The following NLRP14 variants were observed in gnomAD, a reference collection of about 807,000 sequenced individuals.
The protein encoded by NLRP14 is NLR family pyrin domain containing 14, also known as NACHT, LRR and PYD domains-containing protein 14.
A neutral mutation model predicts 94.7 loss-of-function variants in NLRP14; 105 were observed. The observed-to-expected ratio is 1.11, with a 90% CI of 0.95 to 1.30. The LOEUF (loss-of-function observed/expected upper bound fraction) is 1.30. NLRP14 is among the 50% of genes most tolerant of loss of function. The pLI is 0.00. For missense variants in NLRP14, 1,362 were observed against 1,254.1 expected (o/e 1.09, Z -1.30); for synonymous variants, 508 against 459.9 (o/e 1.10, Z -1.34).
intron 5 of NLRP14, among the ~76,000 whole-genome samples, chr11:7,048,102 A>G (rs1565019267): frequency 6.6e-6 from 1 of 152,138 alleles, no homozygotes; most frequent in Admixed American, 6.5e-5. Context: ...TCTAAAATTT[A>G]TCCATTTTGT....
At chr11:7,074,171 A>T (rs183388976), downstream of NLRP14, among the ~76,000 whole-genome samples, 1 of 152,324 alleles carries the variant, frequency 6.6e-6, no homozygotes, top group African/African-American at 2.4e-5. Flanking sequence ...ATATCCCCTG[A>T]GTCAATGTGG....
intron 6 of NLRP14, among the ~76,000 whole-genome samples, chr11:7,050,867 A>G (rs1852432643): frequency 6.6e-6 from 1 of 152,232 alleles, no homozygotes; most frequent in African/African-American, 2.4e-5. Context: ...TCTGTAACCT[A>G]CATATCTAGT....
At chr11:7,088,655 T>C in the NLRP14 span, among the ~76,000 whole-genome samples, 3 of 149,910 alleles carry the variant, frequency 2.0e-5, no homozygotes, top group Admixed American at 2.0e-4. Flanking sequence ...TATTTTTCAA[T>C]AATTGAAAAA....
chr11:7,050,669 A>G (rs1852428708), intron 6 of NLRP14, among the ~76,000 whole-genome samples: 1 of 152,178 alleles, frequency 6.6e-6, no homozygotes, highest in African/African-American at 2.4e-5. Flanking sequence ...AAATAAATGA[A>G]GTCTGGAATA....
In NLRP14 at chr11:7,062,484, T is replaced by G; in HGVS notation, c.2956T>G (p.Cys986Gly). The G allele has an allele frequency of 1.2e-6, 2 of 1,613,058 alleles. No homozygotes were observed. The highest frequency in any genetic ancestry group is 1.7e-6 in the Non-Finnish European group (2 of 1,179,276). Residue 986 changes from cysteine to glycine, a missense_variant, in exon 10 of 12, where the codon TGT becomes GGT. Physicochemically the swap from Cys to Gly is radical, Grantham distance 159. Coordinates refer to ENST00000299481, the MANE Select transcript of NLRP14 (RefSeq NM_176822.4). ...GTGTGATGCTTTGAGATATCCAAACTGTAACATTCAGAGGCTCGGGTGAGT... is the reference window on the plus strand; with the variant it reads ...GTGTGATGCTTTGAGATATCCAAACGGTAACATTCAGAGGCTCGGGTGAGT... ...ILCDALRYPN[C>G]NIQRLGLEYC...
chr11:7,070,525 T>A (rs1852778390), intron 11 of NLRP14, 69 bp downstream of exon 11: 3 of 1,092,144 alleles, frequency 2.7e-6, no homozygotes, highest in South Asian at 2.6e-5. Context: ...CACTCATTAA[T>A]ACAGGCCTCA....
At position 7,058,419 on chromosome 11, in the gene NLRP14, C is replaced by A. The variant is rs748848609; in HGVS notation, c.2602C>A (p.Gln868Lys). 7 of 1,612,374 alleles carry A rather than the reference C, an allele frequency of 4.3e-6. No individual in the cohort carries two copies. The highest frequency in any genetic ancestry group is 5.1e-6 in the Non-Finnish European group (6 of 1,178,638). Residue 868 changes from glutamine (Q) to lysine (K), a missense_variant, in exon 8 of 12, where the codon CAA becomes AAA. By Grantham distance (53) the Gln-to-Lys change is moderately conservative. Transcript: ENST00000299481. ...GGVKLMSDAL[Q>K]HAQCTLKSLV... ...AGTAAAGCTTATGAGTGATGCCCTGCAACATGCACAATGTACTCTGAAGAG... is the reference window on the plus strand; with the variant it reads ...AGTAAAGCTTATGAGTGATGCCCTGAAACATGCACAATGTACTCTGAAGAG...
intron 4 of NLRP14, among the ~76,000 whole-genome samples, chr11:7,044,732 G>A (rs1440545464): frequency 6.6e-6 from 1 of 151,984 alleles, no homozygotes; most frequent in African/African-American, 2.4e-5. Context: ...AATTAATTGA[G>A]GACTTCCTAT....
Position 7,043,915 on chromosome 11 carries a change from C to T in NLRP14, c.1889C>T (p.Thr630Ile), listed in dbSNP as rs1158001398. The change falls in exon 4 of 12, where the codon ACC (threonine) becomes ATC (isoleucine). Residue 630 changes from threonine to isoleucine, a missense_variant. Physicochemically the swap from Thr to Ile is moderately conservative, Grantham distance 89. Coordinates refer to ENST00000299481, the MANE Select transcript of NLRP14 (RefSeq NM_176822.4). ...FCLKHCRCLRTIRLSVTVVFE... is the reference protein window; with the variant it reads ...FCLKHCRCLRIIRLSVTVVFE... ...CTTAAGCACTGCCGGTGTTTGCGGA[C>T]CATCAGGCTGTCTGTAACTGTGGTA... 1.2e-6 allele frequency: 2 copies of T among 1,614,100 alleles called. No homozygotes were observed. Among genetic ancestry groups the T allele is most frequent in the Non-Finnish European group, 1.7e-6 (2 of 1,179,964 alleles).
At chr11:7,030,775 G>C (rs1353644115) in intron 1 of NLRP14, among the ~76,000 whole-genome samples, 1 of 152,210 alleles carries the variant, frequency 6.6e-6, no homozygotes, top group African/African-American at 2.4e-5. Flanking sequence ...CTGCTTATTG[G>C]GAGTCAGCCA....
chr11:7,039,714 G>A lies in NLRP14; in HGVS notation c.290G>A (p.Trp97Ter). 6.2e-7 allele frequency: 1 copy of A among 1,612,968 alleles called. No homozygotes were observed. Among genetic ancestry groups the A allele is most frequent in the Non-Finnish European group, 8.5e-7 (1 of 1,178,964 alleles). Residue 97 changes from tryptophan (W) to a stop codon, truncating the protein, a stop_gained and splice_region_variant, in exon 3 of 12, where the codon TGG (tryptophan) becomes TAG (stop). Transcript: ENST00000299481. LOFTEE classifies it high-confidence loss of function. ...LCERAKEEIN[W>*]SAQTIGPDDA... Reference sequence around the variant, plus strand: ...ATGATCCTATCGGAACCTGTTGCAGGGTCGGCCCAGACTATAGGACCAGAT... The same window carrying A: ...ATGATCCTATCGGAACCTGTTGCAGAGTCGGCCCAGACTATAGGACCAGAT...
chr11:7,063,706 C>G (rs1427853060), intron 10 of NLRP14, among the ~76,000 whole-genome samples: 3 of 152,070 alleles, frequency 2.0e-5, no homozygotes, highest in African/African-American at 7.2e-5. Flanking sequence ...GGGACCAAAT[C>G]TGTTCAGTTA....
downstream of NLRP14, among the ~76,000 whole-genome samples, chr11:7,075,170 A>C (rs1852859674): frequency 6.6e-6 from 1 of 152,142 alleles, no homozygotes; most frequent in African/African-American, 2.4e-5. Context: ...AGGTTTTTCC[A>C]GGGTTCCGTT....
chr11:7,089,521 C>T, the NLRP14 span: 13 of 1,209,978 alleles, frequency 1.1e-5, 1 homozygote, highest in South Asian at 9.1e-5. Context: ...GGCGGCTACA[C>T]GGCGGATTTC....
chr11:7,071,326 T>A lies in NLRP14; in HGVS notation c.*18T>A, dbSNP rs763384003. On this transcript the variant is annotated 3_prime_UTR_variant, in exon 12 of 12. Coordinates refer to ENST00000299481, the MANE Select transcript of NLRP14 (RefSeq NM_176822.4). The stretch of plus-strand genomic sequence containing the variant: ...GTTTCTGATTTGAAGAAACTGACAT[T>A]CCTTTAAAAATATAAATATAAATAC... 3 of 1,602,366 alleles carry A rather than the reference T, an allele frequency of 1.9e-6. No homozygotes were observed. The South Asian group carries it at 3.3e-5, about 18-fold the overall frequency.
chr11:7,038,457 T>G, intron 1 of NLRP14, 109 bp from the exon 2 acceptor site: 1 of 913,150 alleles, frequency 1.1e-6, no homozygotes, highest in Non-Finnish European at 1.7e-6. Flanking sequence ...AGTGGGCTTC[T>G]GCAAATGTTT....
intron 1 of NLRP14, among the ~76,000 whole-genome samples, chr11:7,031,388 G>A (rs1376325618): frequency 6.6e-6 from 1 of 152,166 alleles, no homozygotes; most frequent in Non-Finnish European, 1.5e-5. Context: ...CCCCAGGGTG[G>A]GACACTTCTG....
intron 6 of NLRP14, among the ~76,000 whole-genome samples, chr11:7,053,840 A>C (rs906645974): frequency 6.6e-6 from 1 of 152,106 alleles, no homozygotes; most frequent in African/African-American, 2.4e-5. Flanking sequence ...TAAAATGTAC[A>C]ATTATTTTTT....
At chr11:7,032,854 C>T (rs1852116683) in intron 1 of NLRP14, among the ~76,000 whole-genome samples, 1 of 152,166 alleles carries the variant, frequency 6.6e-6, no homozygotes, top group African/African-American at 2.4e-5. Context: ...AAAGACTGCA[C>T]TGAGCATAAA....
Sources: gnomAD v4.1 joint callset for allele counts (sites outside exome capture counted in the v4.1 genomes callset) on GRCh38, gnomAD v4.1.1 for gene constraint, MANE v1.5 for transcripts, NCBI Gene and HGNC (gene_info 2026-07-23, HGNC 2026-07-21) for gene names.